Variants in SYNRG observed in about 807,000 individuals in gnomAD.
SYNRG encodes synergin gamma.
SYNRG carries 37 observed loss-of-function variants against 130.9 expected under a neutral mutation model. That is an observed-to-expected ratio of 0.28 (90% CI 0.22 to 0.37). SYNRG has a LOEUF of 0.37. Among genes scored for constraint, SYNRG ranks in the 10% least tolerant of loss-of-function variants. The probability of loss-of-function intolerance (pLI) is 1.00; values close to 1 mark genes in which losing one functional copy is unlikely to be tolerated. For missense variants in SYNRG, 1,338 were observed against 1,588.9 expected (o/e 0.84, Z 2.68); for synonymous variants, 539 against 568.1 (o/e 0.95, Z 0.73).
At chr17:37,579,776 C>G (rs2061142623) in intron 6 of SYNRG, among the ~76,000 whole-genome samples, 1 of 152,170 alleles carries the variant, frequency 6.6e-6, no homozygotes, top group Non-Finnish European at 1.5e-5. Flanking sequence ...ATGCTCATAG[C>G]TCATGATCAT....
intron 1 of SYNRG, among the ~76,000 whole-genome samples, chr17:37,608,921 G>A (rs1185256185): frequency 6.6e-6 from 1 of 152,170 alleles, no homozygotes; most frequent in East Asian, 1.9e-4. Flanking sequence ...CAAGGAAAGG[G>A]AAGACCCTGG....
chr17:37,573,059 T>A (rs189435723), intron 8 of SYNRG, among the ~76,000 whole-genome samples: 1 of 152,280 alleles, frequency 6.6e-6, no homozygotes, highest in African/African-American at 2.4e-5. Flanking sequence ...ACAAAAATTT[T>A]ACATCTGGGA....
At position 37,553,296 on chromosome 17, in the gene SYNRG, T is replaced by G; in HGVS notation, c.2427A>C (p.Ser809=). 1 of 1,614,012 alleles carries G rather than the reference T, an allele frequency of 6.2e-7. No individual in the cohort carries two copies. The highest frequency in any genetic ancestry group is 2.2e-5 in the East Asian group (1 of 44,894). Residue 809 remains serine, a synonymous_variant, in exon 14 of 22, where the codon TCA becomes TCC. Coordinates refer to ENST00000612223, the MANE Select transcript of SYNRG (RefSeq NM_007247.6). Reference sequence around the variant, plus strand: ...TGGAAGGGAGATCTAAGGACTTCACTGATGCAGAGTCTTCTTTGGTGTGTC... The same window carrying G: ...TGGAAGGGAGATCTAAGGACTTCACGGATGCAGAGTCTTCTTTGGTGTGTC... The part of the protein sequence containing the change: ...AFRHTKEDSA[S]VKSLDLPSIG...
chr17:37,591,059 C>T (rs968423040), intron 3 of SYNRG, among the ~76,000 whole-genome samples: 5 of 152,078 alleles, frequency 3.3e-5, no homozygotes, highest in Admixed American at 6.6e-5. Context: ...TAGGACATGA[C>T]TACCCATATT....
rs1414640841 is a variant in SYNRG at position 37,548,844 on chromosome 17, C to A, written c.2608+4271G>T. ...CTGTCTTAAAAAAAAAAAAAAAAAA[C>A]ACACAAAAAAACGGGCGTGGTGGCT... On this transcript the variant is annotated intron_variant, in intron 14 of 21. Transcript: ENST00000612223. 3.2e-4 allele frequency among the ~76,000 whole-genome samples: 42 copies of A among 129,734 alleles called. No homozygotes were observed. In the East Asian group the frequency reaches 3.7e-3, roughly 11 times the overall value. 85.1% of individuals were successfully genotyped at this position (129,734 alleles called of 152,430 possible).
intron 6 of SYNRG, among the ~76,000 whole-genome samples, chr17:37,580,596 G>A (rs575422159): frequency 5.9e-4 from 89 of 151,956 alleles, no homozygotes; most frequent in African/African-American, 1.9e-3. Flanking sequence ...GTGCAGTGGC[G>A]CGATCTCGGC....
At position 37,594,609 on chromosome 17, in the gene SYNRG, G is replaced by A. The variant is rs74330514; in HGVS notation, c.240+1614C>T. Among the ~76,000 whole-genome samples, 115 of 151,888 alleles carry A rather than the reference G, an allele frequency of 7.6e-4. No individual in the cohort carries two copies. In the East Asian group the frequency reaches 0.019, roughly 25 times the overall value. ...CCTGAGTAGCTGGGATTACAGGCAT[G>A]CACCACCACGCCCGGCTAATTTTTG... On this transcript the variant is annotated intron_variant, in intron 3 of 21. Transcript: ENST00000612223.
intron 14 of SYNRG, among the ~76,000 whole-genome samples, chr17:37,551,875 CAAAAAA>C (rs11401626): frequency 3.5e-5 from 3 of 86,064 alleles, no homozygotes; most frequent in African/African-American, 9.8e-5. Context: ...AGGAAAAGTA[CAAAAAA>C]AAAAAAAAAG....
chr17:37,525,186 T>C (rs1340219745), intron 19 of SYNRG, among the ~76,000 whole-genome samples: 1 of 152,252 alleles, frequency 6.6e-6, no homozygotes, highest in African/African-American at 2.4e-5. Context: ...GCTGTCATCA[T>C]ATAAGAAGGT....
intron 20 of SYNRG, 119 bp from the exon 21 acceptor site, chr17:37,520,333 G>A (rs1191331540): frequency 3.0e-6 from 4 of 1,355,496 alleles, no homozygotes; most frequent in East Asian, 4.7e-5. Flanking sequence ...ACAGGGTGCT[G>A]CAGGCATGAG....
chr17:37,519,606 G>C (rs957252249), intron 21 of SYNRG, among the ~76,000 whole-genome samples: 6 of 151,938 alleles, frequency 3.9e-5, no homozygotes, highest in Non-Finnish European at 7.4e-5. Context: ...AATGCCTAAT[G>C]AATCTACATT....
intron 4 of SYNRG, among the ~76,000 whole-genome samples, chr17:37,586,099 C>T (rs2061672323): frequency 6.6e-6 from 1 of 152,066 alleles, no homozygotes; most frequent in African/African-American, 2.4e-5. Flanking sequence ...CCCAGGTGAT[C>T]CTCCCACCTC....
In SYNRG at chr17:37,539,175, G is replaced by C. The variant is rs371790719; in HGVS notation, c.3420+17C>G. The C allele has an allele frequency of 6.2e-7, 1 of 1,613,768 alleles. No homozygotes were observed. Among genetic ancestry groups the C allele is most frequent in the East Asian group, 2.2e-5 (1 of 44,876 alleles). ...AGAGCACTCACATATGTGTGAACGC[G>C]TAAGTGACATACTCACATTCAGGGC... On this transcript the variant is annotated intron_variant, in intron 17 of 21. Transcript: ENST00000612223.
In SYNRG at chr17:37,518,847, G is replaced by T; in HGVS notation, c.*93C>A. 3 of 1,516,342 alleles carry T rather than the reference G, an allele frequency of 2.0e-6. No individual in the cohort carries two copies. The highest frequency in any genetic ancestry group is 2.6e-5 in the South Asian group (2 of 77,320). 93.9% of individuals were successfully genotyped at this position (1,516,342 alleles called of 1,614,324 possible). The stretch of plus-strand genomic sequence containing the variant: ...GTTCTTCATATCGATTCAGGGAAGC[G>T]AACTGTGCAGTGCTCGCATTCTATT... On this transcript the variant is annotated 3_prime_UTR_variant, in exon 22 of 22. Transcript: ENST00000612223.
chr17:37,560,670 T>A (rs2059456807), intron 13 of SYNRG, among the ~76,000 whole-genome samples: 1 of 123,940 alleles, frequency 8.1e-6, no homozygotes, highest in Non-Finnish European at 1.6e-5. Context: ...ACAATAGCTA[T>A]TTTTTTTTTT....
chr17:37,545,027 C>T (rs2058146149), intron 14 of SYNRG, among the ~76,000 whole-genome samples: 1 of 151,770 alleles, frequency 6.6e-6, no homozygotes, highest in Non-Finnish European at 1.5e-5. Flanking sequence ...CGAGACCAGC[C>T]TGACCAACAT....
chr17:37,573,145 T>C (rs903714200), intron 8 of SYNRG, among the ~76,000 whole-genome samples: 3 of 152,182 alleles, frequency 2.0e-5, no homozygotes, highest in African/African-American at 7.2e-5. Context: ...GGCTCATGCC[T>C]GTAATCCCAG....
intron 3 of SYNRG, among the ~76,000 whole-genome samples, chr17:37,593,642 C>T (rs1228577234): frequency 1.3e-5 from 2 of 151,814 alleles, no homozygotes; most frequent in African/African-American, 4.8e-5. Flanking sequence ...CCCAGCACTT[C>T]GGGAGGCCGA....
chr17:37,585,227 T>C, intron 5 of SYNRG, 98 bp downstream of exon 5: 1 of 916,512 alleles, frequency 1.1e-6, no homozygotes, highest in Non-Finnish European at 1.7e-6. Context: ...CAGCCTCAGC[T>C]TGGGCTGGTG....
Sources: allele counts gnomAD v4.1 joint callset (sites outside exome capture counted in the v4.1 genomes callset), GRCh38; gene constraint gnomAD v4.1.1; transcripts MANE v1.5; gene names NCBI Gene and HGNC (gene_info 2026-07-23, HGNC 2026-07-21).